Variants in CHI3L2 observed in about 807,000 individuals in gnomAD.
CHI3L2 encodes chitinase-3-like protein 2.
A neutral mutation model predicts 47.3 loss-of-function variants in CHI3L2; 47 were observed. That is an observed-to-expected ratio of 0.99 (90% CI 0.79 to 1.27). CHI3L2 has a LOEUF of 1.27. CHI3L2 is among the 50% of genes most tolerant of loss of function. The pLI is 0.00. For synonymous variants in CHI3L2, 198 were observed against 169.9 expected, an observed-to-expected ratio of 1.17 and a Z score of -1.28; for missense variants, 497 against 462.1, an observed-to-expected ratio of 1.08 and a Z score of -0.69.
chr1:111,240,073 T>A (rs902923189), intron 8 of CHI3L2, among the ~76,000 whole-genome samples: 2 of 152,074 alleles, frequency 1.3e-5, no homozygotes, highest in African/African-American at 4.8e-5. Flanking sequence ...GAAGGCTCCA[T>A]GGAAGAGGAG....
At chr1:111,235,840 G>A (rs539250243) in intron 6 of CHI3L2, 77 bp downstream of exon 6, 63 of 1,578,998 alleles carry the variant, frequency 4.0e-5, no homozygotes, top group Admixed American at 1.4e-4. Flanking sequence ...CATGTTTGAC[G>A]GATGAGGGGA....
intron 1 of CHI3L2, 50 bp downstream of exon 1, chr1:111,227,819 G>A (rs758930517): frequency 6.5e-7 from 1 of 1,535,078 alleles, no homozygotes. Context: ...GGAAGGAAGA[G>A]GTAACAGGTC....
At chr1:111,233,530 G>A (rs975735996) in intron 4 of CHI3L2, among the ~76,000 whole-genome samples, 1 of 152,158 alleles carries the variant, frequency 6.6e-6, no homozygotes, top group Admixed American at 6.5e-5. Flanking sequence ...GGTGTAAAGT[G>A]TTAAAGAAAA....
At chr1:111,228,299 T>A (rs1025712079) in intron 1 of CHI3L2, among the ~76,000 whole-genome samples, 1 of 152,166 alleles carries the variant, frequency 6.6e-6, no homozygotes, top group African/African-American at 2.4e-5. Context: ...TAAACAAGGC[T>A]ATGAGTGAAC....
chr1:111,242,935 T>C (rs900742492), intron 10 of CHI3L2, among the ~76,000 whole-genome samples: 1 of 152,208 alleles, frequency 6.6e-6, no homozygotes, highest in African/African-American at 2.4e-5. Flanking sequence ...GTGCGTTGTA[T>C]ATCCTCCTGT....
chr1:111,234,890 G>T lies in CHI3L2; in HGVS notation c.330-17G>T, dbSNP rs145589851. On this transcript the variant is annotated splice_polypyrimidine_tract_variant and intron_variant, in intron 4 of 10. Coordinates refer to ENST00000369748, the MANE Select transcript of CHI3L2 (RefSeq NM_004000.3). Reference sequence around the variant, plus strand: ...ACTTGTTCTTTCCAAAAAGACACTCGTATTGCTTCTTTCCAGGTTCCACCC... The same window carrying T: ...ACTTGTTCTTTCCAAAAAGACACTCTTATTGCTTCTTTCCAGGTTCCACCC... The T allele has an allele frequency of 3.7e-6, 6 of 1,612,554 alleles. No homozygotes were observed. Among genetic ancestry groups the T allele is most frequent in the Non-Finnish European group, 5.1e-6 (6 of 1,179,082 alleles).
intron 1 of CHI3L2, among the ~76,000 whole-genome samples, chr1:111,229,532 A>T (rs1403041435): frequency 1.3e-5 from 2 of 149,738 alleles, no homozygotes; most frequent in African/African-American, 2.5e-5. Context: ...AATACAAAAA[A>T]TTAGCCGGGC....
chr1:111,243,280 T>TTC lies in CHI3L2; in HGVS notation c.*69_*70dup. 1 of 456,012 alleles carries TTC rather than the reference T, an allele frequency of 2.2e-6. No individual in the cohort carries two copies. Among genetic ancestry groups the TTC allele is most frequent in the Non-Finnish European group, 4.4e-6 (1 of 226,796 alleles). 28.2% of individuals were successfully genotyped at this position (456,012 alleles called of 1,614,324 possible). A position where few individuals can be genotyped will look rare whatever the true frequency, so the allele number is the denominator to read the frequency against. Reference sequence around the variant, plus strand: ...CCTGGGGCCTGCTCTCTCCCAGGAATTCTCATGTGGGATTCCCCTTGCCAG... The same window carrying TTC: ...CCTGGGGCCTGCTCTCTCCCAGGAATTCTCTCATGTGGGATTCCCCTTGCCAG... On this transcript the variant is annotated 3_prime_UTR_variant, in exon 11 of 11. Coordinates refer to ENST00000369748, the MANE Select transcript of CHI3L2 (RefSeq NM_004000.3).
intron 7 of CHI3L2, 117 bp from the exon 8 acceptor site, chr1:111,238,633 T>G: frequency 9.5e-7 from 1 of 1,051,134 alleles, no homozygotes; most frequent in Non-Finnish European, 1.4e-6. Context: ...CTGTTCACAC[T>G]CGGATGTAGA....
At position 111,243,380 on chromosome 1, in the gene CHI3L2, C is replaced by A; in HGVS notation, c.*166C>A. The A allele has an allele frequency of 2.6e-6, 1 of 381,924 alleles. No individual in the cohort carries two copies. Among genetic ancestry groups the A allele is most frequent in the Non-Finnish European group, 5.1e-6 (1 of 194,620 alleles). The allele number at this position is 381,924 out of a possible 1,614,324, so 23.7% of individuals were successfully genotyped here. A position where few individuals can be genotyped will look rare whatever the true frequency, so the allele number is the denominator to read the frequency against. ...CATAGATTGGACCTGGTTTTGTTTT[C>A]CTGCAGCTGTTGACTTGTTGCCCTG... On this transcript the variant is annotated 3_prime_UTR_variant, in exon 11 of 11. Coordinates refer to ENST00000369748, the MANE Select transcript of CHI3L2 (RefSeq NM_004000.3).
At chr1:111,231,919 G>A (rs1659734131) in intron 4 of CHI3L2, among the ~76,000 whole-genome samples, 1 of 152,178 alleles carries the variant, frequency 6.6e-6, no homozygotes, top group African/African-American at 2.4e-5. Context: ...AAATACATAA[G>A]GATAAATATC....
intron 7 of CHI3L2, 93 bp downstream of exon 7, chr1:111,236,246 A>C: frequency 3.6e-6 from 5 of 1,381,954 alleles, no homozygotes; most frequent in Non-Finnish European, 4.9e-6. Flanking sequence ...TCTTGAACTG[A>C]GGAAGAGCTA....
At position 111,243,338 on chromosome 1, in the gene CHI3L2, C is replaced by T. The variant is rs563885146; in HGVS notation, c.*124C>T. On this transcript the variant is annotated 3_prime_UTR_variant, in exon 11 of 11. Coordinates refer to ENST00000369748, the MANE Select transcript of CHI3L2 (RefSeq NM_004000.3). ...TTTGGATCTCTCTTCCAAGCCTTTC[C>T]TGACTTCCTCTTAGATCATAGATTG... 2.3e-6 allele frequency: 1 copy of T among 440,136 alleles called. No homozygotes were observed. The highest frequency in any genetic ancestry group is 1.6e-5 in the South Asian group (1 of 62,940). 27.3% of individuals were successfully genotyped at this position (440,136 alleles called of 1,614,324 possible).
chr1:111,238,370 A>G (rs987962835), intron 7 of CHI3L2, among the ~76,000 whole-genome samples: 5 of 152,214 alleles, frequency 3.3e-5, no homozygotes, highest in Admixed American at 1.3e-4. Context: ...ATGGACTAGG[A>G]ATCTGACAGC....
intron 7 of CHI3L2, among the ~76,000 whole-genome samples, chr1:111,238,342 A>AG (rs1659942610): frequency 1.3e-5 from 2 of 152,210 alleles, no homozygotes; most frequent in Admixed American, 1.3e-4. Flanking sequence ...ATTGGGTGCA[A>AG]GGTCATTGTG....
At position 111,231,303 on chromosome 1, in the gene CHI3L2, A is replaced by G. The variant is rs752656949; in HGVS notation, c.329+9A>G. On this transcript the variant is annotated intron_variant, in intron 4 of 10. Coordinates refer to ENST00000369748, the MANE Select transcript of CHI3L2 (RefSeq NM_004000.3). ...CTGTTTGGTTCCAAAGGGTAAGACTACATCTTTATTTTTTGTTCATTTCCC... is the reference window on the plus strand; with the variant it reads ...CTGTTTGGTTCCAAAGGGTAAGACTGCATCTTTATTTTTTGTTCATTTCCC... The G allele has an allele frequency of 1.9e-6, 3 of 1,591,076 alleles. No individual in the cohort carries two copies. The South Asian group carries it at 3.4e-5, about 18-fold the overall frequency.
intron 8 of CHI3L2, 144 bp from the exon 9 acceptor site, chr1:111,241,183 G>A (rs1268689540): frequency 1.4e-6 from 1 of 709,604 alleles, no homozygotes; most frequent in Non-Finnish European, 2.6e-6. Context: ...TGATATATGT[G>A]GTCATTTCTC....
intron 1 of CHI3L2, among the ~76,000 whole-genome samples, chr1:111,229,042 A>T (rs1659611079): frequency 6.6e-6 from 1 of 152,160 alleles, no homozygotes; most frequent in South Asian, 2.1e-4. Flanking sequence ...ACATAGTGGG[A>T]CCATCTCAAT....
Position 111,235,196 on chromosome 1 carries a change from A to G in CHI3L2, c.480+139A>G, listed in dbSNP as rs879029999. On this transcript the variant is annotated intron_variant, in intron 5 of 10. Transcript: ENST00000369748. The stretch of plus-strand genomic sequence containing the variant: ...CAGCCCCAGCCTTTCTGAAGCTCCC[A>G]CTAATGAGAGAAAAGCCCTGATTCC... 9 of 801,584 alleles carry G rather than the reference A, an allele frequency of 1.1e-5. No homozygotes were observed. The Admixed American group carries it at 2.0e-4, about 18-fold the overall frequency. 49.7% of individuals were successfully genotyped at this position (801,584 alleles called of 1,614,324 possible).
Sources: gnomAD v4.1 joint callset for allele counts (sites outside exome capture counted in the v4.1 genomes callset) on GRCh38, gnomAD v4.1.1 for gene constraint, MANE v1.5 for transcripts, NCBI Gene and HGNC (gene_info 2026-07-23, HGNC 2026-07-21) for gene names.